The following PLEKHJ1 variants were observed in gnomAD, a reference collection of about 807,000 sequenced individuals.
PLEKHJ1 encodes pleckstrin homology domain containing J1.
PLEKHJ1 carries 20 observed loss-of-function variants against 21.7 expected under a neutral mutation model. That is an observed-to-expected ratio of 0.92 (90% CI 0.65 to 1.34). The LOEUF is 1.34. Among genes scored for constraint, PLEKHJ1 ranks in the 40% most tolerant of loss-of-function variants. The pLI, the probability that PLEKHJ1 is intolerant of heterozygous loss-of-function variation, is 0.00. For missense variants in PLEKHJ1, 241 were observed against 202.0 expected, an observed-to-expected ratio of 1.19 and a Z score of -1.17; for synonymous variants, 113 against 80.6, an observed-to-expected ratio of 1.40 and a Z score of -2.15.
In PLEKHJ1 at chr19:2,236,220, G is replaced by C; in HGVS notation, c.29C>G (p.Ala10Gly). The stretch of plus-strand genomic sequence containing the variant: ...CATCTCGGCCGGCTGCCGGGACAGA[G>C]CCTGCAGCTCCTTCTCGTTGTACCG... The part of the protein sequence containing the change: MRYNEKELQ[A>G]LSRQPAEMAA... Residue 10 changes from alanine (A) to glycine (G), a missense_variant, in exon 1 of 6, where the codon GCT becomes GGT. By Grantham distance (60) the Ala-to-Gly change is moderately conservative. Transcript: ENST00000326631. 1 of 1,469,798 alleles carries C rather than the reference G, an allele frequency of 6.8e-7. No individual in the cohort carries two copies. Among genetic ancestry groups the C allele is most frequent in the South Asian group, 1.3e-5 (1 of 74,662 alleles). The allele number at this position is 1,469,798 out of a possible 1,614,324, so 91.0% of individuals were successfully genotyped here. A position where few individuals can be genotyped will look rare whatever the true frequency, so the allele number is the denominator to read the frequency against.
chr19:2,236,310 G>A lies in PLEKHJ1; in HGVS notation c.-62C>T, dbSNP rs943172132. On this transcript the variant is annotated 5_prime_UTR_variant, in exon 1 of 6. Coordinates refer to ENST00000326631, the MANE Select transcript of PLEKHJ1 (RefSeq NM_018049.3). Reference sequence around the variant, plus strand: ...CCGGCCGCCGTCCCCGCTCAGGCTGGGGCCGGCGCCAAAAATGTCTCAGGG... The same window carrying A: ...CCGGCCGCCGTCCCCGCTCAGGCTGAGGCCGGCGCCAAAAATGTCTCAGGG... 2.7e-6 allele frequency: 3 copies of A among 1,107,868 alleles called. No homozygotes were observed. Among genetic ancestry groups the A allele is most frequent in the South Asian group, 2.4e-5 (1 of 42,186 alleles). The allele number at this position is 1,107,868 out of a possible 1,614,324, so 68.6% of individuals were successfully genotyped here.
At chr19:2,230,634 TA>T, downstream of PLEKHJ1, 1 of 398,626 alleles carries the variant, frequency 2.5e-6, no homozygotes, top group Middle Eastern at 6.3e-4. Context: ...AGAGTCACAC[TA>T]ATGAGTGGCA....
rs1416511091 is a variant in PLEKHJ1, at chr19:2,234,033, A to T, written c.349T>A (p.Phe117Ile). The T allele has an allele frequency of 2.5e-6, 4 of 1,613,562 alleles. No homozygotes were observed. Among genetic ancestry groups the T allele is most frequent in the East Asian group, 2.2e-5 (1 of 44,886 alleles). Reference sequence around the variant, plus strand: ...ACCTTCCGGATTTCGTTCCTGTAGAAGATGAGGCTTCTCCGCATGAACTCG... The same window carrying T: ...ACCTTCCGGATTTCGTTCCTGTAGATGATGAGGCTTCTCCGCATGAACTCG... ...SYEFMRRSLI[F>I]YRNEIRKVTG... The change falls in exon 5 of 6, where the codon TTC (phenylalanine) becomes ATC (isoleucine). Residue 117 changes from phenylalanine (F) to isoleucine (I), a missense_variant. Phe to Ile is a conservative substitution (Grantham distance 21). Transcript: ENST00000326631.
chr19:2,235,545 G>C, intron 3 of PLEKHJ1: 3 of 586,078 alleles, frequency 5.1e-6, no homozygotes, highest in South Asian at 2.1e-5. Flanking sequence ...GTCTGGGAGG[G>C]ACCCAAGCTT....
In PLEKHJ1 at chr19:2,236,212, G is replaced by A. The variant is rs770387922; in HGVS notation, c.37C>T (p.Arg13Trp). 1.4e-6 allele frequency: 2 copies of A among 1,474,630 alleles called. No homozygotes were observed. The highest frequency in any genetic ancestry group is 2.7e-5 in the Admixed American group (1 of 36,534). 91.3% of individuals were successfully genotyped at this position (1,474,630 alleles called of 1,614,324 possible). Reference protein sequence around the residue: ...YNEKELQALSRQPAEMAAELG... With the variant: ...YNEKELQALSWQPAEMAAELG... ...TCGGCCGCCATCTCGGCCGGCTGCC[G>A]GGACAGAGCCTGCAGCTCCTTCTCG... Residue 13 changes from arginine (R) to tryptophan (W), a missense_variant, in exon 1 of 6, where the codon CGG becomes TGG. Physicochemically the swap from Arg to Trp is moderately radical, Grantham distance 101. Coordinates refer to ENST00000326631, the MANE Select transcript of PLEKHJ1 (RefSeq NM_018049.3).
At chr19:2,234,494 T>C in intron 3 of PLEKHJ1, 1 of 455,064 alleles carries the variant, frequency 2.2e-6, no homozygotes, top group East Asian at 3.9e-5. Flanking sequence ...GAGGATTGCT[T>C]GAGCTCAGGA....
At chr19:2,232,672 G>C, downstream of PLEKHJ1, 1 of 180,352 alleles carries the variant, frequency 5.5e-6, no homozygotes, top group Non-Finnish European at 1.2e-5. Context: ...GCCGAAACGG[G>C]GAGTGGAGGG....
intron 1 of PLEKHJ1, 40 bp from the exon 2 acceptor site, chr19:2,236,030 C>T (rs763262845): frequency 2.1e-5 from 32 of 1,552,246 alleles, no homozygotes; most frequent in Non-Finnish European, 2.8e-5. Flanking sequence ...AGGCAGCCCC[C>T]GCCCGGACCC....
downstream of PLEKHJ1, chr19:2,230,091 T>C (rs1462456072): frequency 1.2e-5 from 7 of 581,906 alleles, no homozygotes; most frequent in East Asian, 2.9e-5. Context: ...TATCTATATA[T>C]GAGAGCTCTA....
At position 2,236,204 on chromosome 19, in the gene PLEKHJ1, C is replaced by A; in HGVS notation, c.45G>T (p.Pro15=). 1 of 1,477,168 alleles carries A rather than the reference C, an allele frequency of 6.8e-7. No homozygotes were observed. Among genetic ancestry groups the A allele is most frequent in the Non-Finnish European group, 9.0e-7 (1 of 1,117,314 alleles). The allele number at this position is 1,477,168 out of a possible 1,614,324, so 91.5% of individuals were successfully genotyped here. Residue 15 remains proline (P), a synonymous_variant, in exon 1 of 6, where the codon CCG becomes CCT. Coordinates refer to ENST00000326631, the MANE Select transcript of PLEKHJ1 (RefSeq NM_018049.3). ...EKELQALSRQ[P]AEMAAELGMR... ...TGCCCAGCTCGGCCGCCATCTCGGC[C>A]GGCTGCCGGGACAGAGCCTGCAGCT...
chr19:2,231,021 C>A, downstream of PLEKHJ1: 1 of 237,604 alleles, frequency 4.2e-6, no homozygotes. Context: ...CCCCACTCTG[C>A]AGCCTTGGCG....
rs2024690736 is a variant in PLEKHJ1, at chr19:2,233,782, T to C, written c.*58A>G. On this transcript the variant is annotated 3_prime_UTR_variant, in exon 6 of 6. Transcript: ENST00000326631. ...AACAGATCCAGGCATGGCCAAGCGA[T>C]TCATGGCTGGGCAGGGCCAGTCCCG... 1 of 1,489,798 alleles carries C rather than the reference T, an allele frequency of 6.7e-7. No homozygotes were observed. The highest frequency in any genetic ancestry group is 1.4e-5 in the African/African-American group (1 of 71,942). 92.3% of individuals were successfully genotyped at this position (1,489,798 alleles called of 1,614,324 possible). A position where few individuals can be genotyped will look rare whatever the true frequency, so the allele number is the denominator to read the frequency against.
chr19:2,234,430 G>A (rs1046084966), intron 3 of PLEKHJ1, 190 bp from the exon 4 acceptor site: 3 of 570,370 alleles, frequency 5.3e-6, no homozygotes, highest in African/African-American at 1.9e-5. Flanking sequence ...TGAGGTTGTC[G>A]CCAGGTGCGG....
Position 2,233,888 on chromosome 19 carries a change from G to T in PLEKHJ1, c.402C>A (p.Phe134Leu), listed in dbSNP as rs540368013. The T allele has an allele frequency of 7.4e-6, 12 of 1,612,550 alleles. No individual in the cohort carries two copies. Among genetic ancestry groups the T allele is most frequent in the Admixed American group, 1.7e-5 (1 of 60,008 alleles). ...GGAACCTGGCCTCCTCGGATATGCC[G>T]AACTGTTCCAGGGGGTCCTGTGGGG... Reference protein sequence around the residue: ...KVTGKDPLEQFGISEEARFQL... With the variant: ...KVTGKDPLEQLGISEEARFQL... Residue 134 changes from phenylalanine (F) to leucine (L), a missense_variant, in exon 6 of 6, where the codon TTC (phenylalanine) becomes TTA (leucine). Coordinates refer to ENST00000326631, the MANE Select transcript of PLEKHJ1 (RefSeq NM_018049.3).
chr19:2,232,214 A>G (rs1052563684), downstream of PLEKHJ1: 1 of 220,626 alleles, frequency 4.5e-6, no homozygotes, highest in Non-Finnish European at 9.1e-6. Context: ...ATTGATAGGA[A>G]CCCTAAAAAC....
chr19:2,230,457 C>T (rs936106643), downstream of PLEKHJ1: 40 of 399,274 alleles, frequency 1.0e-4, no homozygotes, highest in Admixed American at 1.4e-3. Flanking sequence ...AAGGGGCCTG[C>T]GCGGTGACGC....
Position 2,233,668 on chromosome 19 carries a change from G to A in PLEKHJ1, c.*172C>T, listed in dbSNP as rs1403335055. On this transcript the variant is annotated 3_prime_UTR_variant, in exon 6 of 6. Transcript: ENST00000326631. ...GCAGGAGGATCACTTGAGTCCAGAAGGTCAAGGTCACAGTGAGCTGTGGCA... is the reference window on the plus strand; with the variant it reads ...GCAGGAGGATCACTTGAGTCCAGAAAGTCAAGGTCACAGTGAGCTGTGGCA... 4 of 612,860 alleles carry A rather than the reference G, an allele frequency of 6.5e-6. No individual in the cohort carries two copies. Among genetic ancestry groups the A allele is most frequent in the South Asian group, 2.1e-5 (1 of 47,632 alleles). The allele number at this position is 612,860 out of a possible 1,614,324, so 38.0% of individuals were successfully genotyped here. A position where few individuals can be genotyped will look rare whatever the true frequency, so the allele number is the denominator to read the frequency against.
intron 3 of PLEKHJ1, chr19:2,234,585 TGTAGGCCCAGCCACTCCGGA>T (rs1303963555): frequency 3.7e-6 from 1 of 269,990 alleles, no homozygotes; most frequent in African/African-American, 2.2e-5. Flanking sequence ...GGTGGGGCCT[TGTAGGCCCAGCCACTCCGGA>T]GTCAGAAGTG....
chr19:2,230,562 G>C (rs1344884731), downstream of PLEKHJ1: 5 of 398,592 alleles, frequency 1.3e-5, no homozygotes, highest in Non-Finnish European at 2.2e-5. Flanking sequence ...TCCATGGCTC[G>C]CAGCATGCCC....
Sources: gnomAD v4.1 joint callset for allele counts on GRCh38, gnomAD v4.1.1 for gene constraint, MANE v1.5 for transcripts, NCBI Gene and HGNC (gene_info 2026-07-23, HGNC 2026-07-21) for gene names.